Variants in PTGFR observed in about 807,000 individuals in gnomAD.
PTGFR encodes prostaglandin F2-alpha receptor.
PTGFR carries 15 observed loss-of-function variants against 26.2 expected under a neutral mutation model. That is an observed-to-expected ratio of 0.57 (90% CI 0.38 to 0.88). The LOEUF is 0.88. PTGFR is among the 40% of genes least tolerant of loss of function. The pLI, the probability that PTGFR is intolerant of heterozygous loss-of-function variation, is 0.00. For missense variants in PTGFR, 369 were observed against 427.2 expected (o/e 0.86, Z 1.20); for synonymous variants, 165 against 151.1 (o/e 1.09, Z -0.68).
At position 78,538,633 on chromosome 1, in the gene PTGFR, G is replaced by A. The variant is rs1557661809; in HGVS notation, c.*1946G>A. On this transcript the variant is annotated 3_prime_UTR_variant, in exon 3 of 3. Coordinates refer to ENST00000370757, the MANE Select transcript of PTGFR (RefSeq NM_000959.4). ...GCAACAATGTGCACATCTGACTTAA[G>A]AGTTTCATTTCTGTTATTATATGTG... 1 of 151,904 alleles carries A rather than the reference G, an allele frequency of 6.6e-6. No homozygotes were observed. The allele number at this position is 151,904 out of a possible 1,614,324, so 9.4% of individuals were successfully genotyped here. A position where few individuals can be genotyped will look rare whatever the true frequency, so the allele number is the denominator to read the frequency against.
intron 2 of PTGFR, among the ~76,000 whole-genome samples, chr1:78,500,544 T>C (rs1366489615): frequency 6.6e-6 from 1 of 152,250 alleles, no homozygotes; most frequent in Non-Finnish European, 1.5e-5. Flanking sequence ...CTTCAGGGCT[T>C]GCTGAGGCGT....
intron 2 of PTGFR, among the ~76,000 whole-genome samples, chr1:78,518,347 T>G (rs1650141049): frequency 6.6e-6 from 1 of 152,098 alleles, no homozygotes; most frequent in Admixed American, 6.6e-5. Flanking sequence ...TTTTCTTTTT[T>G]TGAGGTGGAG....
chr1:78,501,818 G>A (rs549676805), intron 2 of PTGFR, among the ~76,000 whole-genome samples: 1 of 152,156 alleles, frequency 6.6e-6, no homozygotes, highest in East Asian at 1.9e-4. Context: ...GTGCATATCC[G>A]TGATTATAAT....
intron 2 of PTGFR, among the ~76,000 whole-genome samples, chr1:78,497,448 C>A (rs919731345): frequency 1.3e-4 from 20 of 152,138 alleles, no homozygotes; most frequent in Middle Eastern, 3.2e-3. Context: ...ATATTGAACA[C>A]ATTCTCCTGA....
chr1:78,507,192 C>A (rs1649846541), intron 2 of PTGFR, among the ~76,000 whole-genome samples: 1 of 152,146 alleles, frequency 6.6e-6, no homozygotes, highest in African/African-American at 2.4e-5. Flanking sequence ...GGTTTAGTAT[C>A]AGAGTTTAGC....
intron 2 of PTGFR, among the ~76,000 whole-genome samples, chr1:78,519,034 T>C (rs575056949): frequency 7.9e-5 from 12 of 152,290 alleles, no homozygotes; most frequent in Admixed American, 3.3e-4. Context: ...GGAAACTGTT[T>C]AGGTTTCCTA....
At chr1:78,496,016 A>G (rs34077564) in intron 2 of PTGFR, among the ~76,000 whole-genome samples, 20,157 of 152,180 alleles carry the variant, frequency 0.13, 1,763 homozygotes, top group Non-Finnish European at 0.2. Flanking sequence ...CACCACAGGT[A>G]TTACTTTATG....
chr1:78,511,317 T>C (rs1649964814), intron 2 of PTGFR, among the ~76,000 whole-genome samples: 1 of 152,192 alleles, frequency 6.6e-6, no homozygotes, highest in South Asian at 2.1e-4. Context: ...TCCCCATATA[T>C]TCCCTGAAAT....
chr1:78,493,257 C>G lies in PTGFR; in HGVS notation c.514C>G (p.Leu172Val). Residue 172 changes from leucine to valine, a missense_variant, in exon 2 of 3, where the codon CTT becomes GTT. Coordinates refer to ENST00000370757, the MANE Select transcript of PTGFR (RefSeq NM_000959.4). ...FAVFIALLPI[L>V]GHRDYKIQAS... is the part of the protein sequence containing the mutation. ...TGTTTTCATAGCTTTGCTGCCCATC[C>G]TTGGACATCGAGACTATAAAATTCA... 1 of 1,614,118 alleles carries G rather than the reference C, an allele frequency of 6.2e-7. No homozygotes were observed. Among genetic ancestry groups the G allele is most frequent in the African/African-American group, 1.3e-5 (1 of 75,024 alleles).
chr1:78,534,015 G>C (rs939450434), intron 2 of PTGFR, among the ~76,000 whole-genome samples: 1 of 152,068 alleles, frequency 6.6e-6, no homozygotes, highest in Non-Finnish European at 1.5e-5. Context: ...CAGTTATCAG[G>C]TGAATTAATT....
At chr1:78,533,902 C>T (rs1052633093) in intron 2 of PTGFR, among the ~76,000 whole-genome samples, 1 of 152,078 alleles carries the variant, frequency 6.6e-6, no homozygotes, top group East Asian at 1.9e-4. Flanking sequence ...CATTGTATTA[C>T]CAGCCTATTT....
At position 78,507,481 on chromosome 1, in the gene PTGFR, C is replaced by A. The variant is rs75192603; in HGVS notation, c.798+13940C>A. ...TTGTTATTTTTTAGAAAAATTAATG[C>A]CTCTCCATTTTCTGAAATAATTTTT... On this transcript the variant is annotated intron_variant, in intron 2 of 2. Coordinates refer to ENST00000370757, the MANE Select transcript of PTGFR (RefSeq NM_000959.4). 3.3e-5 allele frequency among the ~76,000 whole-genome samples: 5 copies of A among 152,178 alleles called. No individual in the cohort carries two copies. In the East Asian group the frequency reaches 5.8e-4, roughly 18 times the overall value.
At chr1:78,499,717 TCCAGAATGAGAATTTAGGAATTCTGTC>T (rs1273995295) in intron 2 of PTGFR, among the ~76,000 whole-genome samples, 6 of 152,214 alleles carry the variant, frequency 3.9e-5, no homozygotes, top group African/African-American at 1.4e-4. Context: ...GAAGTTTGAA[TCCAGAATGAGAATTTAGGAATTCTGTC>T]AGCATCTAGA....
intron 2 of PTGFR, among the ~76,000 whole-genome samples, chr1:78,512,595 T>C (rs1483470682): frequency 6.6e-6 from 1 of 152,202 alleles, no homozygotes; most frequent in African/African-American, 2.4e-5. Flanking sequence ...CACTCATTAT[T>C]ATAAGGAGGG....
At chr1:78,523,815 C>A (rs2100388709) in intron 2 of PTGFR, among the ~76,000 whole-genome samples, 1 of 152,176 alleles carries the variant, frequency 6.6e-6, no homozygotes, top group Non-Finnish European at 1.5e-5. Context: ...GGTCTGTCTG[C>A]ATTTCACTGT....
Position 78,521,887 on chromosome 1 carries a change from A to G in PTGFR, c.799-14519A>G, listed in dbSNP as rs560691601. On this transcript the variant is annotated intron_variant, in intron 2 of 2. Transcript: ENST00000370757. ...CTCATAAGTACTCTATTAGTTTTCT[A>G]TTGCTGCATAACAGAGTCCTATAAC... 2.7e-3 allele frequency among the ~76,000 whole-genome samples: 418 copies of G among 152,178 alleles called. 3 individuals carry two copies. Among genetic ancestry groups the G allele is most frequent in the Middle Eastern group, 0.014 (4 of 294 alleles).
intron 2 of PTGFR, among the ~76,000 whole-genome samples, chr1:78,530,271 C>T (rs1190774588): frequency 2.0e-5 from 3 of 152,088 alleles, no homozygotes; most frequent in Non-Finnish European, 4.4e-5. Context: ...CTGAAGGACA[C>T]CTTGGTTATG....
chr1:78,520,449 A>G (rs1032431987), intron 2 of PTGFR, among the ~76,000 whole-genome samples: 1 of 152,058 alleles, frequency 6.6e-6, no homozygotes, highest in African/African-American at 2.4e-5. Flanking sequence ...TTAATGGAAA[A>G]AACAAGATAA....
intron 2 of PTGFR, among the ~76,000 whole-genome samples, chr1:78,502,767 G>A (rs1322930): frequency 0.029 from 4,391 of 152,204 alleles, 221 homozygotes; most frequent in African/African-American, 0.1. Flanking sequence ...TCTAACATAT[G>A]TCAGGCACTG....
Sources: gnomAD v4.1 joint callset for allele counts (sites outside exome capture counted in the v4.1 genomes callset) on GRCh38, gnomAD v4.1.1 for gene constraint, MANE v1.5 for transcripts, NCBI Gene and HGNC (gene_info 2026-07-23, HGNC 2026-07-21) for gene names.